Variants in TREH observed in about 807,000 individuals in gnomAD.
TREH encodes trehalase.
Under a neutral mutation model 80.5 loss-of-function variants are expected in TREH, and 69 were observed. That is an observed-to-expected ratio of 0.86 (90% CI 0.71 to 1.05). The LOEUF (loss-of-function observed/expected upper bound fraction) is 1.05, where lower values mean the gene tolerates loss of function less well. Ranked by LOEUF, TREH falls within the 50% of genes least tolerant of loss-of-function variation. TREH has a pLI of 0.00. For synonymous variants in TREH, 309 were observed against 293.5 expected (o/e 1.05, Z -0.54); for missense variants, 716 against 718.8 (o/e 1.00, Z 0.04).
Position 118,679,535 on chromosome 11 carries a change from C to A in TREH, c.89+4G>T. 1 of 1,498,064 alleles carries A rather than the reference C, an allele frequency of 6.7e-7. No individual in the cohort carries two copies. The highest frequency in any genetic ancestry group is 2.5e-5 in the East Asian group (1 of 39,806). The allele number at this position is 1,498,064 out of a possible 1,614,324, so 92.8% of individuals were successfully genotyped here. On this transcript the variant is annotated splice_donor_region_variant and intron_variant, in intron 1 of 14. Transcript: ENST00000264029. ...CTCCCCTGCTGCCTTCCCCACACCC[C>A]TACCTCTCACAGGGTGGGGGTAGGG...
intron 1 of TREH, among the ~76,000 whole-genome samples, chr11:118,669,785 A>G (rs1184003931): frequency 6.6e-6 from 1 of 152,206 alleles, no homozygotes; most frequent in Non-Finnish European, 1.5e-5. Context: ...AAGACCTAGT[A>G]TTTGCTAGCA....
intron 1 of TREH, among the ~76,000 whole-genome samples, chr11:118,672,122 G>GGGCATGGGCC (rs2137282289): frequency 6.6e-6 from 1 of 152,272 alleles, no homozygotes; most frequent in Non-Finnish European, 1.5e-5. Flanking sequence ...CACCTGGGCC[G>GGGCATGGGCC]GGCATGGTGG....
rs1434683728 is a variant in TREH at position 118,658,190 on chromosome 11, G to A, written c.*99C>T. ...GCCCTCCACTTCGCTCTGAGGACAG[G>A]CTGGGAGGTAGGAGGGCATGAAGAG... On this transcript the variant is annotated 3_prime_UTR_variant, in exon 15 of 15. Transcript: ENST00000264029. 1 of 1,467,540 alleles carries A rather than the reference G, an allele frequency of 6.8e-7. No homozygotes were observed. Among genetic ancestry groups the A allele is most frequent in the Non-Finnish European group, 9.2e-7 (1 of 1,091,040 alleles). The allele number at this position is 1,467,540 out of a possible 1,614,324, so 90.9% of individuals were successfully genotyped here.
In TREH at chr11:118,664,075, G is replaced by T. The variant is rs118039088; in HGVS notation, c.90-636C>A. Among the ~76,000 whole-genome samples, 1,188 of 152,286 alleles carry T rather than the reference G, an allele frequency of 7.8e-3. 25 individuals carry two copies. Among genetic ancestry groups the T allele is most frequent in the East Asian group, 0.042 (218 of 5,184 alleles). On this transcript the variant is annotated intron_variant, in intron 1 of 14. Coordinates refer to ENST00000264029, the MANE Select transcript of TREH (RefSeq NM_007180.3). ...GAAATGGTTTATTCAGGAGTCTGCT[G>T]CTCAGGGAATGCAAGGAGGTGCTAA...
intron 1 of TREH, 43 bp downstream of exon 1, chr11:118,679,496 C>T (rs1949512862): frequency 6.9e-7 from 1 of 1,456,828 alleles, no homozygotes; most frequent in Non-Finnish European, 9.1e-7. Flanking sequence ...CCCAGCCTCC[C>T]TCTTATTGCC....
In TREH at chr11:118,659,845, T is replaced by C; in HGVS notation, c.1222A>G (p.Lys408Glu). ...AWFDYDLEKKKKNREFYPSNL... is the reference protein window; with the variant it reads ...AWFDYDLEKKEKNREFYPSNL... ...GATGGGTAAAACTCCCGGTTTTTCT[T>C]CTTCTTCTCAAGGTCGTAATCGAAC... The change falls in exon 11 of 15, where the codon AAG (lysine) becomes GAG (glutamate). Residue 408 changes from lysine (K) to glutamate (E), a missense_variant. Coordinates refer to ENST00000264029, the MANE Select transcript of TREH (RefSeq NM_007180.3). The C allele has an allele frequency of 3.8e-6, 6 of 1,559,920 alleles. No homozygotes were observed. Among genetic ancestry groups the C allele is most frequent in the Non-Finnish European group, 5.2e-6 (6 of 1,151,274 alleles).
At chr11:118,664,746 C>G (rs147469655) in intron 1 of TREH, among the ~76,000 whole-genome samples, 2 of 152,150 alleles carry the variant, frequency 1.3e-5, no homozygotes, top group South Asian at 2.1e-4. Flanking sequence ...AAAAGAGAGT[C>G]GAAACATTTG....
At position 118,659,835 on chromosome 11, in the gene TREH, C is replaced by A; in HGVS notation, c.1232G>T (p.Arg411Leu). ...AGTGAGGTTGGATGGGTAAAACTCCCGGTTTTTCTTCTTCTTCTCAAGGTC... is the reference window on the plus strand; with the variant it reads ...AGTGAGGTTGGATGGGTAAAACTCCAGGTTTTTCTTCTTCTTCTCAAGGTC... ...DYDLEKKKKNREFYPSNLTPL... is the reference protein window; with the variant it reads ...DYDLEKKKKNLEFYPSNLTPL... Residue 411 changes from arginine to leucine, a missense_variant, in exon 11 of 15, where the codon CGG becomes CTG. By Grantham distance (102) the Arg-to-Leu change is moderately radical. Transcript: ENST00000264029. 6.4e-7 allele frequency: 1 copy of A among 1,565,750 alleles called. No individual in the cohort carries two copies. Among genetic ancestry groups the A allele is most frequent in the African/African-American group, 1.4e-5 (1 of 73,978 alleles).
chr11:118,671,620 A>G (rs1408860477), intron 1 of TREH, among the ~76,000 whole-genome samples: 1 of 152,214 alleles, frequency 6.6e-6, no homozygotes, highest in Admixed American at 6.5e-5. Flanking sequence ...AGATAGGGAC[A>G]GAAAGTTTAT....
intron 1 of TREH, among the ~76,000 whole-genome samples, chr11:118,672,201 C>T (rs1555146363): frequency 6.6e-6 from 1 of 150,980 alleles, no homozygotes; most frequent in East Asian, 2.0e-4. Flanking sequence ...TCGAGACCAA[C>T]CTGACCAACA....
intron 1 of TREH, among the ~76,000 whole-genome samples, chr11:118,670,165 C>A (rs1276874504): frequency 6.6e-6 from 1 of 152,172 alleles, no homozygotes; most frequent in African/African-American, 2.4e-5. Context: ...TATCACTTGG[C>A]TCAAAGCCCC....
At chr11:118,678,306 G>A (rs1400019331) in intron 1 of TREH, among the ~76,000 whole-genome samples, 4 of 152,042 alleles carry the variant, frequency 2.6e-5, no homozygotes, top group South Asian at 2.1e-4. Context: ...CCACACCAGC[G>A]GGCCCTAACT....
In TREH at chr11:118,658,642, T is replaced by A. The variant is rs369038291; in HGVS notation, c.1599+38A>T. The A allele has an allele frequency of 5.1e-6, 8 of 1,559,196 alleles. No individual in the cohort carries two copies. The African/African-American group carries it at 9.6e-5, about 19-fold the overall frequency. On this transcript the variant is annotated intron_variant, in intron 14 of 14. Coordinates refer to ENST00000264029, the MANE Select transcript of TREH (RefSeq NM_007180.3). The stretch of plus-strand genomic sequence containing the variant: ...GGTCATGAGCAGCAGAGTTCAGGAG[T>A]TCCCTGGTGTTGGCCAGCCCACCCC...
In TREH at chr11:118,661,766, T is replaced by A. The variant is rs782054410; in HGVS notation, c.525-37A>T. 1.9e-6 allele frequency: 3 copies of A among 1,609,580 alleles called. No homozygotes were observed. The highest frequency in any genetic ancestry group is 2.2e-5 in the South Asian group (2 of 90,966). On this transcript the variant is annotated intron_variant, in intron 5 of 14. Coordinates refer to ENST00000264029, the MANE Select transcript of TREH (RefSeq NM_007180.3). This position sits in a 1 kb window ranked among gnomAD's most constrained non-coding sequence, Gnocchi z 4.2. The stretch of plus-strand genomic sequence containing the variant: ...GCAGCTTAGGCACCACCCTGCTGCC[T>A]CCCTCTGCCCTGCACACCAGCCAGT...
chr11:118,659,101 G>A, intron 12 of TREH, 84 bp from the exon 13 acceptor site: 1 of 1,391,176 alleles, frequency 7.2e-7, no homozygotes, highest in Non-Finnish European at 1.0e-6. Context: ...TCCCCAAGGA[G>A]GGAAAGAGGC....
At chr11:118,658,482 C>T in intron 14 of TREH, 41 bp from the exon 15 acceptor site, 1 of 1,601,056 alleles carries the variant, frequency 6.2e-7, no homozygotes, top group South Asian at 1.1e-5. Flanking sequence ...CTGGGGAAGC[C>T]TCATACCCTT....
rs1949346856 is a variant in TREH, at chr11:118,663,388, G to A, written c.141C>T (p.Leu47=). The A allele has an allele frequency of 1.3e-6, 2 of 1,597,952 alleles. No individual in the cohort carries two copies. The highest frequency in any genetic ancestry group is 1.3e-5 in the African/African-American group (1 of 74,696). The change falls in exon 2 of 15, where the codon CTC becomes CTT. Residue 47 remains leucine (L), a synonymous_variant. Coordinates refer to ENST00000264029, the MANE Select transcript of TREH (RefSeq NM_007180.3). The part of the protein sequence containing the change: ...ELLNQVQMAK[L]YQDDKQFVDM... Reference sequence around the variant, plus strand: ...CCACAAACTGCTTGTCATCCTGGTAGAGCTTGGCCATTTGAACTTGGTTTA... The same window carrying A: ...CCACAAACTGCTTGTCATCCTGGTAAAGCTTGGCCATTTGAACTTGGTTTA...
In TREH at chr11:118,663,171, C is replaced by G; in HGVS notation, c.216G>C (p.Glu72Asp). 2.5e-6 allele frequency: 4 copies of G among 1,612,770 alleles called. No individual in the cohort carries two copies. The highest frequency in any genetic ancestry group is 3.4e-6 in the Non-Finnish European group (4 of 1,179,372). Residue 72 changes from glutamate to aspartate, a missense_variant, in exon 3 of 15, where the codon GAG (glutamate) becomes GAC (aspartate). Physicochemically the swap from Glu to Asp is conservative, Grantham distance 45. Transcript: ENST00000264029. ...TGCTGTGATTGTGGTCCCTGGACAG[C>G]TCAGTGAAGGTCTGCAGGACTTGTT... ...APEQVLQTFT[E>D]LSRDHNHSIP...
At chr11:118,676,069 AT>A (rs1410628120) in intron 1 of TREH, among the ~76,000 whole-genome samples, 3 of 152,216 alleles carry the variant, frequency 2.0e-5, no homozygotes, top group African/African-American at 7.2e-5. Context: ...GATTGATTGA[AT>A]CATTGATCAT....
Sources: allele counts gnomAD v4.1 joint callset (sites outside exome capture counted in the v4.1 genomes callset), GRCh38; gene constraint gnomAD v4.1.1; non-coding constraint Gnocchi (gnomAD v3.1); transcripts MANE v1.5; gene names NCBI Gene and HGNC (gene_info 2026-07-23, HGNC 2026-07-21).